NFIA: variants seen among roughly 807,000 people sequenced by gnomAD.
NFIA encodes the protein nuclear factor I A.
NFIA carries 8 observed loss-of-function variants against 62.8 expected under a neutral mutation model. That is an observed-to-expected ratio of 0.13 (90% CI 0.07 to 0.23). The LOEUF (loss-of-function observed/expected upper bound fraction) is 0.23, where lower values mean the gene tolerates loss of function less well. NFIA is among the 10% of genes least tolerant of loss of function. The pLI is 1.00. For missense variants in NFIA, 410 were observed against 642.1 expected, an observed-to-expected ratio of 0.64 and a Z score of 3.91; for synonymous variants, 235 against 238.1, an observed-to-expected ratio of 0.99 and a Z score of 0.12.
At chr1:61,124,094 T>C (rs895766028) in intron 2 of NFIA, among the ~76,000 whole-genome samples, 1 of 152,200 alleles carries the variant, frequency 6.6e-6, no homozygotes, top group East Asian at 1.9e-4. Flanking sequence ...ATTAGGATCA[T>C]GTTTTGTAAT....
At chr1:61,407,700 G>C (rs937951241) in intron 9 of NFIA, among the ~76,000 whole-genome samples, 9 of 152,152 alleles carry the variant, frequency 5.9e-5, no homozygotes, top group Admixed American at 3.9e-4. Context: ...CTTCAAGGGG[G>C]TTGTCAAAAG....
At chr1:61,369,786 A>G (rs992354397) in intron 6 of NFIA, among the ~76,000 whole-genome samples, 3 of 152,136 alleles carry the variant, frequency 2.0e-5, no homozygotes, top group African/African-American at 7.2e-5. Context: ...GCACACATAT[A>G]TAAATATATA....
At chr1:61,182,320 T>A (rs1469316505) in intron 2 of NFIA, among the ~76,000 whole-genome samples, 2 of 152,200 alleles carry the variant, frequency 1.3e-5, no homozygotes, top group Non-Finnish European at 2.9e-5. Flanking sequence ...GAAGCTGGAC[T>A]TGATACTATA....
intron 2 of NFIA, among the ~76,000 whole-genome samples, chr1:61,219,948 C>A (rs1000858873): frequency 6.6e-6 from 1 of 151,698 alleles, no homozygotes; most frequent in East Asian, 2.0e-4. Context: ...GGAGACAGAA[C>A]GAGACTCCGT....
At chr1:61,368,541 A>G (rs1051943446) in intron 6 of NFIA, among the ~76,000 whole-genome samples, 8 of 152,080 alleles carry the variant, frequency 5.3e-5, no homozygotes, top group African/African-American at 1.7e-4. Flanking sequence ...ATTTCCTCAT[A>G]TGTAAACATT....
At chr1:61,207,893 G>A (rs1281982627) in intron 2 of NFIA, among the ~76,000 whole-genome samples, 1 of 152,002 alleles carries the variant, frequency 6.6e-6, no homozygotes, top group Non-Finnish European at 1.5e-5. Context: ...TTTGTGTAGG[G>A]GTTTTGCTGA....
At position 61,088,805 on chromosome 1, in the gene NFIA, G is replaced by A. The variant is rs898665949; in HGVS notation, c.559+125G>A. On this transcript the variant is annotated intron_variant, in intron 2 of 10. Coordinates refer to ENST00000403491, the MANE Select transcript of NFIA (RefSeq NM_001134673.4). This position sits in a 1 kb window ranked among gnomAD's most constrained non-coding sequence, Gnocchi z 4.5. Reference sequence around the variant, plus strand: ...AGGCCACGTACATGAAGCCAGTGTGGTTTCAAAGATTGAGAGAGGTGCCAC... The same window carrying A: ...AGGCCACGTACATGAAGCCAGTGTGATTTCAAAGATTGAGAGAGGTGCCAC... 7.7e-5 allele frequency: 89 copies of A among 1,155,666 alleles called. No homozygotes were observed. Among genetic ancestry groups the A allele is most frequent in the Non-Finnish European group, 1.0e-4 (84 of 828,678 alleles). The allele number at this position is 1,155,666 out of a possible 1,614,324, so 71.6% of individuals were successfully genotyped here.
rs148429965 is a variant in NFIA at position 61,236,890 on chromosome 1, A to AC, written c.560-40629dup. On this transcript the variant is annotated intron_variant, in intron 2 of 10. Coordinates refer to ENST00000403491, the MANE Select transcript of NFIA (RefSeq NM_001134673.4). ...TTAAATTTTCTAAGAAGAAAACAGA[A>AC]CAACCTCTTTGAAGCCATAGCCAAT... Among the ~76,000 whole-genome samples, 1,005 of 152,316 alleles carry AC rather than the reference A, an allele frequency of 6.6e-3. 16 individuals carry two copies. Among genetic ancestry groups the AC allele is most frequent in the African/African-American group, 0.023 (953 of 41,566 alleles).
intron 2 of NFIA, among the ~76,000 whole-genome samples, chr1:61,257,343 T>G (rs1325570762): frequency 2.2e-5 from 3 of 135,894 alleles, no homozygotes; most frequent in East Asian, 2.2e-4. Context: ...TTTTTTTTTT[T>G]TTTTTTTTTT....
intron 2 of NFIA, among the ~76,000 whole-genome samples, chr1:61,217,863 G>A (rs903815583): frequency 4.6e-5 from 7 of 152,222 alleles, no homozygotes; most frequent in African/African-American, 1.7e-4. Context: ...TGGGCAGGCT[G>A]CTTATTATCC....
chr1:61,410,369 A>G (rs1002287910), intron 9 of NFIA, among the ~76,000 whole-genome samples: 1 of 152,182 alleles, frequency 6.6e-6, no homozygotes, highest in Non-Finnish European at 1.5e-5. Flanking sequence ...TTCAGAAATC[A>G]GGTGCTTTCT....
intron 3 of NFIA, among the ~76,000 whole-genome samples, chr1:61,278,280 G>C (rs1220078771): frequency 6.6e-6 from 1 of 152,146 alleles, no homozygotes; most frequent in Non-Finnish European, 1.5e-5. Flanking sequence ...GTCATGGGTT[G>C]GAGTTTTATA....
intron 9 of NFIA, among the ~76,000 whole-genome samples, chr1:61,415,519 G>A (rs2261792): frequency 0.76 from 115,378 of 152,084 alleles, 44,987 homozygotes; most frequent in East Asian, 0.98. Flanking sequence ...AGACAAGAAA[G>A]GGATATAAAC....
intron 2 of NFIA, among the ~76,000 whole-genome samples, chr1:61,143,440 A>T (rs1348279506): frequency 6.6e-6 from 1 of 152,000 alleles, no homozygotes; most frequent in Admixed American, 6.6e-5. Flanking sequence ...CCCAGGCTGG[A>T]GTATAGTGGT....
chr1:61,083,759 C>A (rs1348604615), intron 1 of NFIA, among the ~76,000 whole-genome samples: 8 of 151,124 alleles, frequency 5.3e-5, no homozygotes, highest in Admixed American at 1.3e-4. Context: ...CGGCTCCCCC[C>A]GCCGCCGCCG....
chr1:61,222,761 T>C (rs1472462441), intron 2 of NFIA, among the ~76,000 whole-genome samples: 1 of 152,088 alleles, frequency 6.6e-6, no homozygotes, highest in East Asian at 1.9e-4. Context: ...TCAACCTTCA[T>C]ATATGTAAGA....
At position 61,319,217 on chromosome 1, in the gene NFIA, A is replaced by G. The variant is rs537071476; in HGVS notation, c.626-13295A>G. The stretch of plus-strand genomic sequence containing the variant: ...TGCCTTGGAAAGGAAGTAATTACTA[A>G]TCTTTCTCTTGTGTTTATGTTTGGC... On this transcript the variant is annotated intron_variant, in intron 3 of 10. Coordinates refer to ENST00000403491, the MANE Select transcript of NFIA (RefSeq NM_001134673.4). Among the ~76,000 whole-genome samples the G allele has an allele frequency of 1.2e-4, 19 of 152,298 alleles. No individual in the cohort carries two copies. The South Asian group carries it at 3.7e-3, about 30-fold the overall frequency.
At chr1:61,116,536 C>T (rs1245720964) in intron 2 of NFIA, among the ~76,000 whole-genome samples, 2 of 151,934 alleles carry the variant, frequency 1.3e-5, no homozygotes, top group African/African-American at 4.8e-5. Context: ...TGCATCTTCT[C>T]GATGGTCTGT....
intron 2 of NFIA, among the ~76,000 whole-genome samples, chr1:61,217,062 C>G (rs1193227601): frequency 7.4e-6 from 1 of 135,236 alleles, no homozygotes; most frequent in African/African-American, 2.7e-5. Flanking sequence ...TTTCTTTTTT[C>G]TTTTTTTTTT....
Sources: allele counts gnomAD v4.1 joint callset (sites outside exome capture counted in the v4.1 genomes callset), GRCh38; gene constraint gnomAD v4.1.1; non-coding constraint Gnocchi (gnomAD v3.1); transcripts MANE v1.5; gene names NCBI Gene and HGNC (gene_info 2026-07-23, HGNC 2026-07-21).